Variants in FAAH2 observed in about 807,000 individuals in gnomAD.
FAAH2 encodes fatty-acid amide hydrolase 2.
A neutral mutation model predicts 36.9 loss-of-function variants in FAAH2; 60 were observed. The ratio of observed to expected loss-of-function variants is 1.63; its 90% CI spans 1.32 to 2.02. The LOEUF (loss-of-function observed/expected upper bound fraction) is 2.02. Among genes scored for constraint, FAAH2 ranks in the 30% most tolerant of loss-of-function variants. The pLI is 0.00. For synonymous variants in FAAH2, 214 were observed against 143.8 expected (o/e 1.49, Z -3.49); for missense variants, 689 against 397.5 (o/e 1.73, Z -6.23).
intron 7 of FAAH2, among the ~76,000 whole-genome samples, 166 bp downstream of exon 7, chrX:57,381,195 T>C (rs997254206): frequency 3.6e-5 from 4 of 111,788 alleles, no homozygotes; most frequent in African/African-American, 1.3e-4. Flanking sequence ...ATGGTTATTT[T>C]AGATATTTTA....
At chrX:57,171,244 T>G in the FAAH2 span, among the ~76,000 whole-genome samples, 6 of 111,845 alleles carry the variant, frequency 5.4e-5, no homozygotes, top group Non-Finnish European at 9.4e-5. Context: ...CTTTTTGATA[T>G]AGTGATTTCT....
At chrX:57,433,304 A>G (rs1490138960) in intron 8 of FAAH2, among the ~76,000 whole-genome samples, 1 of 110,382 alleles carries the variant, frequency 9.1e-6, no homozygotes, top group Non-Finnish European at 1.9e-5. Context: ...TTTTTATGAT[A>G]CCAGATTTAG....
chrX:57,299,500 T>C (rs1215299363), intron 2 of FAAH2, among the ~76,000 whole-genome samples: 1 of 111,549 alleles, frequency 9.0e-6, no homozygotes, highest in African/African-American at 3.3e-5. Flanking sequence ...GCCAATATCA[T>C]ACTGAATGGA....
intron 7 of FAAH2, among the ~76,000 whole-genome samples, chrX:57,431,392 G>C (rs1176226591): frequency 9.0e-6 from 1 of 111,327 alleles, no homozygotes; most frequent in Non-Finnish European, 1.9e-5. Flanking sequence ...CAGTAACCCA[G>C]CAATCCATTT....
At chrX:57,463,477 C>A (rs192855456) in intron 10 of FAAH2, among the ~76,000 whole-genome samples, 11 of 111,189 alleles carry the variant, frequency 9.9e-5, no homozygotes, top group Non-Finnish European at 1.5e-4. Context: ...ACCAATAGAA[C>A]AGAACAGAGG....
intron 4 of FAAH2, among the ~76,000 whole-genome samples, chrX:57,336,744 G>T (rs1484351992): frequency 9.0e-6 from 1 of 111,610 alleles, no homozygotes; most frequent in Non-Finnish European, 1.9e-5. Context: ...CACAGCTAAA[G>T]CACTGTTTAG....
At chrX:57,393,311 A>T (rs1320398381) in intron 7 of FAAH2, 11 of 927,826 alleles carry the variant, frequency 1.2e-5, no homozygotes, top group Admixed American at 1.1e-4. Flanking sequence ...AGCAGTGACC[A>T]TAGGGCCACC....
At chrX:57,462,604 A>C (rs768209252) in intron 10 of FAAH2, among the ~76,000 whole-genome samples, 2 of 112,570 alleles carry the variant, frequency 1.8e-5, no homozygotes, top group Non-Finnish European at 3.8e-5. Context: ...AATAAAATTA[A>C]ACACCGCTTC....
intron 10 of FAAH2, among the ~76,000 whole-genome samples, chrX:57,465,703 A>C (rs1417840566): frequency 9.0e-6 from 1 of 111,426 alleles, no homozygotes; most frequent in East Asian, 2.8e-4. Context: ...GTCTTGGTGA[A>C]AGAAAGTGAC....
the FAAH2 span, among the ~76,000 whole-genome samples, chrX:57,186,290 T>A: frequency 8.9e-6 from 1 of 112,232 alleles, no homozygotes; most frequent in Non-Finnish European, 1.9e-5. Flanking sequence ...TATTTCATTG[T>A]GGTTTTGATT....
the FAAH2 span, among the ~76,000 whole-genome samples, chrX:57,237,337 G>A: frequency 1.8e-5 from 2 of 110,674 alleles, no homozygotes; most frequent in African/African-American, 6.5e-5. Context: ...TTTTTATTCT[G>A]ATATGTATTT....
chrX:57,203,943 G>A, the FAAH2 span, among the ~76,000 whole-genome samples: 6 of 111,508 alleles, frequency 5.4e-5, no homozygotes, highest in Non-Finnish European at 1.1e-4. Context: ...ATCAGTTGAG[G>A]TTGAGGTGCC....
At chrX:57,150,448 AT>A in the FAAH2 span, among the ~76,000 whole-genome samples, 9 of 112,008 alleles carry the variant, frequency 8.0e-5, no homozygotes, top group Non-Finnish European at 1.3e-4. Context: ...GTGCTCCTGT[AT>A]TGGGTGCATA....
chrX:57,173,803 T>G, the FAAH2 span, among the ~76,000 whole-genome samples: 1 of 111,979 alleles, frequency 8.9e-6, no homozygotes, highest in Non-Finnish European at 1.9e-5. Flanking sequence ...ATTGAATGTT[T>G]TTTTCTTATT....
At chrX:57,212,956 T>TTTG in the FAAH2 span, among the ~76,000 whole-genome samples, 5 of 111,094 alleles carry the variant, frequency 4.5e-5, no homozygotes, top group Non-Finnish European at 9.4e-5. Flanking sequence ...CTGGTCCAGG[T>TTTG]TTGTTGTTGT....
At chrX:57,222,299 C>G in the FAAH2 span, among the ~76,000 whole-genome samples, 1 of 111,705 alleles carries the variant, frequency 9.0e-6, no homozygotes, top group African/African-American at 3.3e-5. Flanking sequence ...AGCCTATTAC[C>G]CAACCTTTCC....
intron 2 of FAAH2, among the ~76,000 whole-genome samples, chrX:57,309,872 T>C (rs1223246476): frequency 8.9e-6 from 1 of 111,842 alleles, no homozygotes; most frequent in Non-Finnish European, 1.9e-5. Flanking sequence ...CTATTGTAAA[T>C]AGTGGCGCAA....
intron 10 of FAAH2, among the ~76,000 whole-genome samples, chrX:57,458,705 A>G (rs2056905721): frequency 9.0e-6 from 1 of 111,568 alleles, no homozygotes; most frequent in South Asian, 3.8e-4. Flanking sequence ...AGTGTTGGGC[A>G]TTGCCTTACC....
At chrX:57,482,415 T>A (rs1175119395) in intron 10 of FAAH2, among the ~76,000 whole-genome samples, 3 of 111,545 alleles carry the variant, frequency 2.7e-5, no homozygotes, top group Non-Finnish European at 5.7e-5. Flanking sequence ...GATCTGCAGA[T>A]TGTGAAAACC....
Sources: allele counts gnomAD v4.1 joint callset (sites outside exome capture counted in the v4.1 genomes callset), GRCh38; gene constraint gnomAD v4.1.1; transcripts MANE v1.5; gene names NCBI Gene and HGNC (gene_info 2026-07-23, HGNC 2026-07-21).